The following SPIC variants were observed in gnomAD, a reference collection of about 807,000 sequenced individuals.
SPIC encodes the protein Spi-C transcription factor.
Under a neutral mutation model 16.7 loss-of-function variants are expected in SPIC, and 9 were observed. The observed-to-expected ratio is 0.54, with a 90% CI of 0.33 to 0.94. SPIC has a LOEUF of 0.94. Ranked by LOEUF, SPIC falls within the 40% of genes least tolerant of loss-of-function variation. The pLI, the probability that SPIC is intolerant of heterozygous loss-of-function variation, is 0.03. For missense variants in SPIC, 241 were observed against 285.8 expected (o/e 0.84, Z 1.13); for synonymous variants, 97 against 102.9 (o/e 0.94, Z 0.35).
At chr12:101,475,583 T>C (rs971196334) in intron 1 of SPIC, 81 bp downstream of exon 1, 4 of 152,208 alleles carry the variant, frequency 2.6e-5, no homozygotes, top group Admixed American at 6.6e-5. Context: ...TGTTTCTCAC[T>C]GTCTGCGTGT....
intron 4 of SPIC, among the ~76,000 whole-genome samples, chr12:101,482,406 CTTATT>C (rs1357312430): frequency 2.0e-5 from 3 of 152,024 alleles, no homozygotes; most frequent in Non-Finnish European, 2.9e-5. Flanking sequence ...GTTTTCATTA[CTTATT>C]TTATTTTATC....
At position 101,476,885 on chromosome 12, in the gene SPIC, T is replaced by A. The variant is rs763366017; in HGVS notation, c.-20T>A. The A allele has an allele frequency of 8.4e-6, 12 of 1,427,456 alleles. No individual in the cohort carries two copies. The highest frequency in any genetic ancestry group is 1.0e-5 in the Non-Finnish European group (11 of 1,068,442). The allele number at this position is 1,427,456 out of a possible 1,614,324, so 88.4% of individuals were successfully genotyped here. On this transcript the variant is annotated 5_prime_UTR_variant, in exon 2 of 6. Transcript: ENST00000551346. ...AGCAACAATTGCTAAGGAACAGAAT[T>A]GTCAATTTATTAATGAAATATGGTA...
chr12:101,476,787 A>G, intron 1 of SPIC, 41 bp from the exon 2 acceptor site: 1 of 519,004 alleles, frequency 1.9e-6, no homozygotes, highest in Non-Finnish European at 3.2e-6. Flanking sequence ...CAAATTAGAG[A>G]CTGCATTTAA....
intron 3 of SPIC, 75 bp downstream of exon 3, chr12:101,477,726 T>C: frequency 7.7e-7 from 1 of 1,302,220 alleles, no homozygotes; most frequent in South Asian, 1.2e-5. Flanking sequence ...ATAAGAATAA[T>C]GATCAGCTGA....
intron 5 of SPIC, 34 bp downstream of exon 5, chr12:101,482,934 A>C (rs894117199): frequency 6.4e-7 from 1 of 1,570,504 alleles, no homozygotes; most frequent in Non-Finnish European, 8.7e-7. Flanking sequence ...TACAGGTAAA[A>C]GAACCAGATC....
intron 4 of SPIC, 89 bp from the exon 5 acceptor site, chr12:101,482,703 C>T (rs765164013): frequency 1.4e-5 from 17 of 1,250,864 alleles, no homozygotes; most frequent in Non-Finnish European, 1.8e-5. Context: ...AGACGCTTAG[C>T]CTCTTTTTCC....
chr12:101,484,772 G>T (rs1036242147), intron 5 of SPIC, among the ~76,000 whole-genome samples: 3 of 151,492 alleles, frequency 2.0e-5, no homozygotes, highest in African/African-American at 7.3e-5. Context: ...GGAGGCTGAG[G>T]CAGGAGAATC....
intron 5 of SPIC, among the ~76,000 whole-genome samples, chr12:101,486,053 G>C (rs546990899): frequency 7.5e-4 from 114 of 152,236 alleles, no homozygotes; most frequent in African/African-American, 2.5e-3. Flanking sequence ...CGCCCTCCTC[G>C]GCCTCCCAAA....
intron 3 of SPIC, among the ~76,000 whole-genome samples, chr12:101,478,342 C>A (rs1452025450): frequency 1.3e-5 from 2 of 151,866 alleles, no homozygotes; most frequent in Non-Finnish European, 2.9e-5. Flanking sequence ...CCTTTTTTAT[C>A]TTTAATTTAA....
chr12:101,481,435 C>T (rs1166201162), intron 4 of SPIC, among the ~76,000 whole-genome samples: 1 of 152,110 alleles, frequency 6.6e-6, no homozygotes, highest in Non-Finnish European at 1.5e-5. Flanking sequence ...CCTCTGCCTC[C>T]TGGGTTCAAG....
At position 101,477,641 on chromosome 12, in the gene SPIC, G is replaced by C. The variant is rs771393623; in HGVS notation, c.87G>C (p.Gln29His). The C allele has an allele frequency of 9.3e-6, 15 of 1,612,718 alleles. No individual in the cohort carries two copies. The highest frequency in any genetic ancestry group is 1.3e-5 in the Non-Finnish European group (15 of 1,179,792). ...VLRQHSTGDL[Q>H]YSPDYRNYLA... ...GGCAACATTCAACTGGAGATCTTCAGTACTCGCCAGGTAAAGATGAGTCAT... is the reference window on the plus strand; with the variant it reads ...GGCAACATTCAACTGGAGATCTTCACTACTCGCCAGGTAAAGATGAGTCAT... The change falls in exon 3 of 6, where the codon CAG becomes CAC. Residue 29 changes from glutamine (Q) to histidine (H), a missense_variant. Gln to His is a conservative substitution (Grantham distance 24). Transcript: ENST00000551346.
intron 4 of SPIC, among the ~76,000 whole-genome samples, chr12:101,481,392 G>A (rs983503992): frequency 2.8e-4 from 42 of 152,022 alleles, no homozygotes; most frequent in African/African-American, 9.2e-4. Flanking sequence ...TGCCCAGGCC[G>A]TAGTGCAATG....
chr12:101,484,879 A>G (rs1277102236), intron 5 of SPIC, among the ~76,000 whole-genome samples: 2 of 151,486 alleles, frequency 1.3e-5, no homozygotes, highest in Non-Finnish European at 2.9e-5. Flanking sequence ...AAAAATTAAT[A>G]AATAAAATAA....
intron 5 of SPIC, among the ~76,000 whole-genome samples, chr12:101,483,312 C>T (rs1051101207): frequency 6.6e-6 from 1 of 152,038 alleles, no homozygotes; most frequent in African/African-American, 2.4e-5. Flanking sequence ...GTGACAGGAT[C>T]GTCACTATCA....
Position 101,479,717 on chromosome 12 carries a change from A to G in SPIC, c.210+23A>G, listed in dbSNP as rs747671658. 26 of 1,547,376 alleles carry G rather than the reference A, an allele frequency of 1.7e-5. No individual in the cohort carries two copies. The South Asian group carries it at 2.8e-4, about 17-fold the overall frequency. On this transcript the variant is annotated intron_variant, in intron 4 of 5. Transcript: ENST00000551346. ...ATTGTAAGTATCAGACCATCCCTTA[A>G]TAACAGGCAAATATCCTATTCTTGC...
chr12:101,483,459 T>G (rs1237365579), intron 5 of SPIC, among the ~76,000 whole-genome samples: 1 of 147,904 alleles, frequency 6.8e-6, no homozygotes, highest in Non-Finnish European at 1.5e-5. Context: ...CACAGTTAGC[T>G]TTCTATTTTT....
Position 101,479,604 on chromosome 12 carries a change from A to G in SPIC, c.120A>G (p.Leu40=). ...YSPDYRNYLA[L]INHRPHVKGN... ...TAGATTACAGAAATTACCTGGCTTT[A>G]ATCAACCATCGTCCTCATGTCAAAG... The change falls in exon 4 of 6, where the codon TTA becomes TTG. Residue 40 remains leucine (L), a synonymous_variant. Transcript: ENST00000551346. The G allele has an allele frequency of 6.2e-7, 1 of 1,613,062 alleles. No homozygotes were observed. Among genetic ancestry groups the G allele is most frequent in the Non-Finnish European group, 8.5e-7 (1 of 1,179,466 alleles).
chr12:101,479,747 C>A, intron 4 of SPIC, 53 bp downstream of exon 4: 1 of 1,370,710 alleles, frequency 7.3e-7, no homozygotes, highest in Admixed American at 1.8e-5. Context: ...TCTTGCCAGC[C>A]TTCCATTTCA....
chr12:101,480,804 G>C (rs1873163553), intron 4 of SPIC, among the ~76,000 whole-genome samples: 1 of 152,148 alleles, frequency 6.6e-6, no homozygotes, highest in South Asian at 2.1e-4. Flanking sequence ...CTGGGCAACA[G>C]AGCAAGACCC....
Sources: gnomAD v4.1 joint callset for allele counts (sites outside exome capture counted in the v4.1 genomes callset) on GRCh38, gnomAD v4.1.1 for gene constraint, MANE v1.5 for transcripts, NCBI Gene and HGNC (gene_info 2026-07-23, HGNC 2026-07-21) for gene names.